Variants in ESR1 observed in about 807,000 individuals in gnomAD.
The protein encoded by ESR1 is estrogen receptor 1.
In ESR1, 12 loss-of-function variants were observed where a neutral mutation model predicts 52.7. The ratio of observed to expected loss-of-function variants is 0.23; its 90% CI spans 0.15 to 0.37. The LOEUF is 0.37. Ranked by LOEUF, ESR1 falls within the 10% of genes least tolerant of loss-of-function variation. The probability of loss-of-function intolerance (pLI) is 1.00; values close to 1 mark genes in which losing one functional copy is unlikely to be tolerated. For missense variants in ESR1, 584 were observed against 779.7 expected (o/e 0.75, Z 2.99); for synonymous variants, 305 against 316.8 (o/e 0.96, Z 0.39).
intron 2 of ESR1, among the ~76,000 whole-genome samples, chr6:151,726,361 T>C (rs2128030628): frequency 6.6e-6 from 1 of 152,146 alleles, no homozygotes; most frequent in South Asian, 2.1e-4. Context: ...AGACGGAGTC[T>C]CACTCTGTCG....
intron 4 of ESR1, among the ~76,000 whole-genome samples, chr6:151,980,554 A>T (rs1475707696): frequency 6.6e-6 from 1 of 152,226 alleles, no homozygotes; most frequent in East Asian, 1.9e-4. Flanking sequence ...TACACGACTC[A>T]TTGGTTGTTA....
intron 2 of ESR1, among the ~76,000 whole-genome samples, chr6:151,710,492 T>C (rs1780516126): frequency 6.6e-6 from 1 of 151,978 alleles, no homozygotes; most frequent in Non-Finnish European, 1.5e-5. Flanking sequence ...AAACATGAAA[T>C]TGCCAATAGT....
chr6:151,877,438 C>T (rs895130178), intron 2 of ESR1, among the ~76,000 whole-genome samples: 3 of 152,112 alleles, frequency 2.0e-5, no homozygotes, highest in African/African-American at 7.2e-5. Context: ...ATTTATTAAA[C>T]TTTTCTTTTT....
At chr6:151,989,470 A>T (rs1411713879) in intron 4 of ESR1, among the ~76,000 whole-genome samples, 2 of 151,404 alleles carry the variant, frequency 1.3e-5, no homozygotes, top group Non-Finnish European at 2.9e-5. Flanking sequence ...ATTAACTTCA[A>T]AAGTATTTAA....
chr6:152,105,811 C>T (rs80020365), downstream of ESR1, among the ~76,000 whole-genome samples: 682 of 112,934 alleles, frequency 6.0e-3, 1 homozygote, highest in Non-Finnish European at 8.8e-3. Context: ...GACGGAGTCT[C>T]GCTCTGTCGC....
At chr6:151,679,707 C>A (rs1278803016) in intron 1 of ESR1, among the ~76,000 whole-genome samples, 1 of 152,202 alleles carries the variant, frequency 6.6e-6, no homozygotes, top group African/African-American at 2.4e-5. Flanking sequence ...ACCTCTACCA[C>A]CTCCTCTCCT....
At chr6:152,072,219 C>A (rs983981258) in intron 6 of ESR1, among the ~76,000 whole-genome samples, 1 of 152,082 alleles carries the variant, frequency 6.6e-6, no homozygotes, top group Non-Finnish European at 1.5e-5. Context: ...CTATATAGGT[C>A]CTTGTTATGT....
At position 151,880,716 on chromosome 6, in the gene ESR1, G is replaced by A. The variant is rs903602556; in HGVS notation, c.705G>A (p.Lys235=). ...NQCTIDKNRR[K]SCQACRLRKC... Reference sequence around the variant, plus strand: ...GCACCATTGATAAAAACAGGAGGAAGAGCTGCCAGGCCTGCCGGCTCCGTA... The same window carrying A: ...GCACCATTGATAAAAACAGGAGGAAAAGCTGCCAGGCCTGCCGGCTCCGTA... Residue 235 remains lysine (K), a synonymous_variant, in exon 3 of 8, where the codon AAG becomes AAA. Transcript: ENST00000206249. The A allele has an allele frequency of 3.1e-6, 5 of 1,613,554 alleles. No homozygotes were observed. Among genetic ancestry groups the A allele is most frequent in the African/African-American group, 2.7e-5 (2 of 75,028 alleles).
chr6:151,993,075 G>A (rs1171524941), intron 4 of ESR1, among the ~76,000 whole-genome samples: 1 of 152,022 alleles, frequency 6.6e-6, no homozygotes, highest in Non-Finnish European at 1.5e-5. Context: ...AAGAGCAAAA[G>A]GATCTTTTTC....
At position 152,061,549 on chromosome 6, in the gene ESR1, T is replaced by G. The variant is rs539414380; in HGVS notation, c.1369+425T>G. On this transcript the variant is annotated intron_variant, in intron 6 of 7. Coordinates refer to ENST00000206249, the MANE Select transcript of ESR1 (RefSeq NM_000125.4). The surrounding 1 kb of genome is among the most constrained non-coding windows in gnomAD (Gnocchi z 4.3). ...TATTTGAGACAGACCATGTTTCTGG[T>G]CAAAACTGACTAGCTAAAAATATAG... is the stretch of plus-strand genomic sequence containing the variant. 1.4e-3 allele frequency among the ~76,000 whole-genome samples: 212 copies of G among 152,336 alleles called. No individual in the cohort carries two copies. The highest frequency in any genetic ancestry group is 2.3e-3 in the Non-Finnish European group (155 of 68,018).
At chr6:152,019,492 C>T (rs2043442724) in intron 5 of ESR1, among the ~76,000 whole-genome samples, 1 of 152,176 alleles carries the variant, frequency 6.6e-6, no homozygotes, top group African/African-American at 2.4e-5. Flanking sequence ...AGCCTGTAAG[C>T]AGTAAGGATC....
At chr6:152,038,777 C>T (rs1457061424) in intron 5 of ESR1, among the ~76,000 whole-genome samples, 1 of 151,978 alleles carries the variant, frequency 6.6e-6, no homozygotes, top group Non-Finnish European at 1.5e-5. Context: ...ATTACAGGCA[C>T]CCACCGCCAC....
chr6:151,984,475 A>G (rs963778825), intron 4 of ESR1, among the ~76,000 whole-genome samples: 39 of 152,242 alleles, frequency 2.6e-4, no homozygotes, highest in African/African-American at 8.2e-4. Context: ...GCTAAAATCA[A>G]TAGTAATGGC....
chr6:151,847,895 T>G (rs990771898), intron 2 of ESR1, among the ~76,000 whole-genome samples: 1 of 151,916 alleles, frequency 6.6e-6, no homozygotes, highest in Non-Finnish European at 1.5e-5. Context: ...GTAAACTAGT[T>G]CAACCATTGT....
At chr6:151,925,285 G>A (rs1030225329) in intron 3 of ESR1, among the ~76,000 whole-genome samples, 2 of 152,018 alleles carry the variant, frequency 1.3e-5, no homozygotes, top group Non-Finnish European at 2.9e-5. Context: ...TCAATGAGGT[G>A]TACATCAGAT....
chr6:152,042,642 T>C (rs1387074190), intron 5 of ESR1, among the ~76,000 whole-genome samples: 1 of 152,158 alleles, frequency 6.6e-6, no homozygotes, highest in Non-Finnish European at 1.5e-5. Flanking sequence ...AGTCTGCAAA[T>C]TGATTGAGGG....
At chr6:151,978,531 A>G (rs957075636) in intron 4 of ESR1, among the ~76,000 whole-genome samples, 6 of 152,148 alleles carry the variant, frequency 3.9e-5, no homozygotes, top group African/African-American at 9.6e-5. Flanking sequence ...TACAATTTGC[A>G]AGAAAAAGTA....
chr6:151,740,720 T>C (rs1322139884), intron 2 of ESR1, among the ~76,000 whole-genome samples: 1 of 152,172 alleles, frequency 6.6e-6, no homozygotes, highest in Non-Finnish European at 1.5e-5. Context: ...TATCTGCCTG[T>C]GTCTATGTTA....
At chr6:151,879,965 A>G (rs1023603685) in intron 2 of ESR1, among the ~76,000 whole-genome samples, 2 of 152,202 alleles carry the variant, frequency 1.3e-5, no homozygotes, top group Non-Finnish European at 2.9e-5. Context: ...CTCTATTTCT[A>G]AAAGCTCTAC....
Sources: allele counts gnomAD v4.1 joint callset (sites outside exome capture counted in the v4.1 genomes callset), GRCh38; gene constraint gnomAD v4.1.1; non-coding constraint Gnocchi (gnomAD v3.1); transcripts MANE v1.5; gene names NCBI Gene and HGNC (gene_info 2026-07-23, HGNC 2026-07-21).